RNF130: variants seen among roughly 807,000 people sequenced by gnomAD.
RNF130 encodes ring finger protein 130.
RNF130 carries 21 observed loss-of-function variants against 44.6 expected under a neutral mutation model. The observed-to-expected ratio is 0.47, with a 90% CI of 0.33 to 0.68. The LOEUF (loss-of-function observed/expected upper bound fraction) is 0.68, where lower values mean the gene tolerates loss of function less well. RNF130 is among the 30% of genes least tolerant of loss of function. The pLI, the probability that RNF130 is intolerant of heterozygous loss-of-function variation, is 0.02. For synonymous variants in RNF130, 214 were observed against 210.4 expected (o/e 1.02, Z -0.15); for missense variants, 479 against 560.6 (o/e 0.85, Z 1.47).
At chr5:180,001,455 C>CA (rs1277593225) in intron 3 of RNF130, among the ~76,000 whole-genome samples, 1 of 152,170 alleles carries the variant, frequency 6.6e-6, no homozygotes, top group African/African-American at 2.4e-5. Context: ...CTGTGACTGT[C>CA]AGGTACCCAC....
intron 3 of RNF130, among the ~76,000 whole-genome samples, chr5:179,984,642 C>A (rs1762914087): frequency 6.6e-6 from 1 of 152,032 alleles, no homozygotes; most frequent in Admixed American, 6.6e-5. Flanking sequence ...ATATAATTTG[C>A]TAAATTTTTT....
chr5:179,958,829 T>C (rs957906807), intron 8 of RNF130, among the ~76,000 whole-genome samples: 1 of 152,116 alleles, frequency 6.6e-6, no homozygotes, highest in Non-Finnish European at 1.5e-5. Flanking sequence ...TACAGGTACC[T>C]GCCACCACAC....
chr5:179,935,309 A>G (rs1370354694), intron 7 of RNF130, among the ~76,000 whole-genome samples: 4 of 152,206 alleles, frequency 2.6e-5, no homozygotes, highest in Non-Finnish European at 4.4e-5. Context: ...TAAATAATCT[A>G]TGTGTACTTA....
At chr5:179,978,719 T>C (rs1762767503) in intron 4 of RNF130, among the ~76,000 whole-genome samples, 1 of 152,124 alleles carries the variant, frequency 6.6e-6, no homozygotes, top group African/African-American at 2.4e-5. Flanking sequence ...AGATGGTGAG[T>C]TGAGTCCCAG....
Position 179,946,609 on chromosome 5 carries a change from A to T in RNF130, c.1150+20197T>A, listed in dbSNP as rs552148085. ...CGCTCTGTCGCCCAGGCTGGAGTGC[A>T]GTGGTGTGATCTTGGCTCACTGCAA... On this transcript the variant is annotated intron_variant, in intron 7 of 7. Transcript: ENST00000522208. 1.5e-4 allele frequency among the ~76,000 whole-genome samples: 22 copies of T among 148,008 alleles called. No individual in the cohort carries two copies. In the East Asian group the frequency reaches 2.8e-3, roughly 19 times the overall value.
intron 3 of RNF130, among the ~76,000 whole-genome samples, chr5:180,009,126 C>T (rs1375976283): frequency 2.0e-5 from 3 of 151,960 alleles, no homozygotes; most frequent in Non-Finnish European, 4.4e-5. Context: ...TAATCACAGA[C>T]TTAAATGTAA....
At chr5:180,052,920 A>C (rs886525156) in intron 1 of RNF130, among the ~76,000 whole-genome samples, 4 of 152,208 alleles carry the variant, frequency 2.6e-5, no homozygotes, top group Non-Finnish European at 1.5e-5. Context: ...AAATATAGAA[A>C]ATAATCAGTG....
At chr5:179,986,951 C>T (rs1197469435) in intron 3 of RNF130, among the ~76,000 whole-genome samples, 2 of 151,946 alleles carry the variant, frequency 1.3e-5, no homozygotes, top group African/African-American at 4.8e-5. Flanking sequence ...TCCTTATTAC[C>T]CAGTTTGTTA....
downstream of RNF130, among the ~76,000 whole-genome samples, chr5:179,951,391 T>G (rs1762122135): frequency 6.6e-6 from 1 of 150,452 alleles, no homozygotes; most frequent in Admixed American, 6.6e-5. Flanking sequence ...AGGTTTTTGT[T>G]TTTTTTTTTT....
intron 2 of RNF130, among the ~76,000 whole-genome samples, chr5:180,038,993 C>T (rs1354855324): frequency 6.6e-6 from 1 of 152,180 alleles, no homozygotes; most frequent in Non-Finnish European, 1.5e-5. Flanking sequence ...CCGGCACCTG[C>T]TCTGAAACCT....
chr5:179,974,332 C>T (rs1433349405), intron 5 of RNF130, among the ~76,000 whole-genome samples: 5 of 152,200 alleles, frequency 3.3e-5, no homozygotes, highest in Admixed American at 1.3e-4. Context: ...CTACACACTC[C>T]GATGGCCGAC....
intron 1 of RNF130, among the ~76,000 whole-genome samples, chr5:180,047,031 C>T (rs1188350770): frequency 6.6e-6 from 1 of 152,088 alleles, no homozygotes; most frequent in Admixed American, 6.5e-5. Flanking sequence ...GTGGTAATAT[C>T]CTGACTACGG....
chr5:179,988,178 T>C lies in RNF130; in HGVS notation c.694-7978A>G, dbSNP rs181181269. Among the ~76,000 whole-genome samples, 36 of 152,356 alleles carry C rather than the reference T, an allele frequency of 2.4e-4. No homozygotes were observed. In the Middle Eastern group the frequency reaches 0.014, roughly 58 times the overall value. ...CTTGGTTCAATGTTGGTAGGTTGTATGTGGCTAGGAATGTATCCATTTTCT... is the reference window on the plus strand; with the variant it reads ...CTTGGTTCAATGTTGGTAGGTTGTACGTGGCTAGGAATGTATCCATTTTCT... On this transcript the variant is annotated intron_variant, in intron 3 of 8. Transcript: ENST00000521389.
chr5:180,060,591 A>C (rs1254801070), intron 1 of RNF130, among the ~76,000 whole-genome samples: 1 of 152,188 alleles, frequency 6.6e-6, no homozygotes, highest in African/African-American at 2.4e-5. Flanking sequence ...ACTTGCCAGC[A>C]CTTCCACCCT....
At chr5:180,020,825 A>G (rs954164687) in intron 2 of RNF130, among the ~76,000 whole-genome samples, 1 of 152,288 alleles carries the variant, frequency 6.6e-6, no homozygotes, top group East Asian at 1.9e-4. Context: ...ACAAGCCACC[A>G]ATCAGTGGAG....
intron 1 of RNF130, among the ~76,000 whole-genome samples, chr5:180,065,352 T>C (rs1765077466): frequency 2.0e-5 from 3 of 152,176 alleles, no homozygotes; most frequent in Non-Finnish European, 4.4e-5. Flanking sequence ...GTAAATAAAT[T>C]TAACACAATC....
chr5:179,948,521 A>G (rs1762078333), intron 7 of RNF130, among the ~76,000 whole-genome samples: 1 of 152,040 alleles, frequency 6.6e-6, no homozygotes, highest in African/African-American at 2.4e-5. Flanking sequence ...AAATACAAAA[A>G]TTAGCCAGGC....
At chr5:179,991,778 A>T (rs1763087903) in intron 3 of RNF130, among the ~76,000 whole-genome samples, 4 of 152,156 alleles carry the variant, frequency 2.6e-5, no homozygotes. Context: ...GTAATATATA[A>T]TGAAATAATT....
chr5:179,990,245 T>C (rs1763049513), intron 3 of RNF130, among the ~76,000 whole-genome samples: 1 of 152,162 alleles, frequency 6.6e-6, no homozygotes, highest in African/African-American at 2.4e-5. Context: ...TCACCTCCAG[T>C]GACTGATAAG....
Sources: allele counts gnomAD v4.1 joint callset (sites outside exome capture counted in the v4.1 genomes callset), GRCh38; gene constraint gnomAD v4.1.1; transcripts MANE v1.5; gene names NCBI Gene and HGNC (gene_info 2026-07-23, HGNC 2026-07-21).